The following KLHL6 variants were observed in gnomAD, a reference collection of about 807,000 sequenced individuals.
KLHL6 encodes the protein kelch-like protein 6.
A neutral mutation model predicts 58.6 loss-of-function variants in KLHL6; 41 were observed. The observed-to-expected ratio is 0.70, with a 90% confidence interval of 0.55 to 0.91. The LOEUF (loss-of-function observed/expected upper bound fraction) is 0.91, where lower values mean the gene tolerates loss of function less well. Among genes scored for constraint, KLHL6 ranks in the 40% least tolerant of loss-of-function variants. The pLI is 0.00. For missense variants in KLHL6, 714 were observed against 805.6 expected, an observed-to-expected ratio of 0.89 and a Z score of 1.38; for synonymous variants, 338 against 322.7, an observed-to-expected ratio of 1.05 and a Z score of -0.51.
intron 1 of KLHL6, among the ~76,000 whole-genome samples, chr3:183,543,873 G>A (rs989060312): frequency 1.8e-4 from 28 of 152,150 alleles, no homozygotes; most frequent in East Asian, 7.7e-4. Context: ...TTTTAAAGCC[G>A]TAGCACCAGG....
At chr3:183,510,424 A>T (rs1401025960) in intron 2 of KLHL6, among the ~76,000 whole-genome samples, 2 of 152,000 alleles carry the variant, frequency 1.3e-5, no homozygotes, top group Non-Finnish European at 2.9e-5. Flanking sequence ...GAAGGTTGAT[A>T]GTGGGGCAGG....
rs140362850 is a variant in KLHL6, at chr3:183,489,255, T to G, written c.*2672A>C. 1 of 152,316 alleles carries G rather than the reference T, an allele frequency of 6.6e-6. No homozygotes were observed. Among genetic ancestry groups the G allele is most frequent in the East Asian group, 1.9e-4 (1 of 5,186 alleles). The allele number at this position is 152,316 out of a possible 1,614,324, so 9.4% of individuals were successfully genotyped here. ...CTGGAAGTTCCTCCCTGCAATAGTCTTTGGAGTAAGACTGACTTTTCCTTC... is the reference window on the plus strand; with the variant it reads ...CTGGAAGTTCCTCCCTGCAATAGTCGTTGGAGTAAGACTGACTTTTCCTTC... On this transcript the variant is annotated 3_prime_UTR_variant, in exon 7 of 7. Coordinates refer to ENST00000341319, the MANE Select transcript of KLHL6 (RefSeq NM_130446.4).
At chr3:183,509,847 A>G (rs903809865) in intron 2 of KLHL6, among the ~76,000 whole-genome samples, 2 of 152,198 alleles carry the variant, frequency 1.3e-5, no homozygotes, top group Non-Finnish European at 2.9e-5. Context: ...ATACTATATA[A>G]ATAATAGAAG....
chr3:183,534,386 T>A (rs1712290344), intron 1 of KLHL6, among the ~76,000 whole-genome samples: 1 of 152,052 alleles, frequency 6.6e-6, no homozygotes, highest in African/African-American at 2.4e-5. Context: ...TTACAGTTTC[T>A]AGTCACCACA....
rs78873068 is a variant in KLHL6, at chr3:183,505,161, T to C, written c.909+2898A>G. 0.013 allele frequency among the ~76,000 whole-genome samples: 1,980 copies of C among 152,298 alleles called. 121 individuals carry two copies. In the East Asian group the frequency reaches 0.19, roughly 14 times the overall value. On this transcript the variant is annotated intron_variant, in intron 3 of 6. Transcript: ENST00000341319. ...CAGGCTGTCTGCTAGACATCCAGCA[T>C]AGAATAGGACCTATGTGGTTTCCTA...
At position 183,502,253 on chromosome 3, in the gene KLHL6, C is replaced by G. The variant is rs6771268; in HGVS notation, c.910-2426G>C. Among the ~76,000 whole-genome samples, 768 of 151,092 alleles carry G rather than the reference C, an allele frequency of 5.1e-3. 11 individuals are homozygous for G. The highest frequency in any genetic ancestry group is 0.017 in the African/African-American group (712 of 41,150). The stretch of plus-strand genomic sequence containing the variant: ...AGAGGCAGAGGGTGCAGTGAGCCAA[C>G]GTCGCAGCATTGCACTCCAGCCTGG... On this transcript the variant is annotated intron_variant, in intron 3 of 6. Coordinates refer to ENST00000341319, the MANE Select transcript of KLHL6 (RefSeq NM_130446.4).
chr3:183,501,186 G>A (rs951661499), intron 3 of KLHL6, among the ~76,000 whole-genome samples: 6 of 152,300 alleles, frequency 3.9e-5, no homozygotes, highest in South Asian at 2.1e-4. Context: ...GAACAGTGCC[G>A]GGATAAGGGT....
chr3:183,532,164 A>T (rs2108687539), intron 1 of KLHL6, among the ~76,000 whole-genome samples: 1 of 152,314 alleles, frequency 6.6e-6, no homozygotes, highest in Middle Eastern at 3.4e-3. Flanking sequence ...ATAAGGGTGG[A>T]TCTCAATTTG....
At position 183,489,868 on chromosome 3, in the gene KLHL6, G is replaced by A. The variant is rs988340435; in HGVS notation, c.*2059C>T. 1 of 152,140 alleles carries A rather than the reference G, an allele frequency of 6.6e-6. No individual in the cohort carries two copies. The highest frequency in any genetic ancestry group is 2.1e-4 in the South Asian group (1 of 4,830). The allele number at this position is 152,140 out of a possible 1,614,324, so 9.4% of individuals were successfully genotyped here. The stretch of plus-strand genomic sequence containing the variant: ...TCAAATATTAGCTTCTTCTAACCGT[G>A]ACTGTTTAATGAAAATTCAATTCAC... On this transcript the variant is annotated 3_prime_UTR_variant, in exon 7 of 7. Transcript: ENST00000341319.
intron 3 of KLHL6, among the ~76,000 whole-genome samples, chr3:183,506,399 G>A (rs1260898101): frequency 6.6e-6 from 1 of 152,178 alleles, no homozygotes; most frequent in East Asian, 1.9e-4. Context: ...CTAAGATCTA[G>A]AGATGTAAAG....
At chr3:183,519,373 G>T (rs968639311) in intron 2 of KLHL6, among the ~76,000 whole-genome samples, 1 of 152,174 alleles carries the variant, frequency 6.6e-6, no homozygotes, top group African/African-American at 2.4e-5. Flanking sequence ...TGGGAACACA[G>T]GTGCTCCAGT....
chr3:183,513,673 C>A (rs531180781), intron 2 of KLHL6, among the ~76,000 whole-genome samples: 5 of 152,172 alleles, frequency 3.3e-5, no homozygotes, highest in African/African-American at 1.2e-4. Context: ...ATCCAGCTAC[C>A]TGTGTATGGA....
chr3:183,499,762 G>A lies in KLHL6; in HGVS notation c.975C>T (p.Gly325=), dbSNP rs747318454. 14 of 1,608,892 alleles carry A rather than the reference G, an allele frequency of 8.7e-6. No homozygotes were observed. Among genetic ancestry groups the A allele is most frequent in the Admixed American group, 3.4e-5 (2 of 58,910 alleles). ...EFQSEVFMII[G]GCTKDERFVA... ...CAAACCGTTCATCCTTCGTGCAGCCGCCAATGATCATGAACACCTCAGACT... is the reference window on the plus strand; with the variant it reads ...CAAACCGTTCATCCTTCGTGCAGCCACCAATGATCATGAACACCTCAGACT... Residue 325 remains glycine (G), a synonymous_variant, in exon 4 of 7, where the codon GGC becomes GGT. Transcript: ENST00000341319. The surrounding 1 kb of genome is among the most constrained non-coding windows in gnomAD (Gnocchi z 4.6).
At chr3:183,505,052 G>A (rs1299438993) in intron 3 of KLHL6, among the ~76,000 whole-genome samples, 1 of 152,146 alleles carries the variant, frequency 6.6e-6, no homozygotes, top group Non-Finnish European at 1.5e-5. Flanking sequence ...CTTTTCTATG[G>A]CTGTGTAGTA....
Position 183,499,907 on chromosome 3 carries a change from GT to G in KLHL6, c.910-81del. The G allele has an allele frequency of 9.6e-7, 1 of 1,041,992 alleles. No homozygotes were observed. Among genetic ancestry groups the G allele is most frequent in the Non-Finnish European group, 1.4e-6 (1 of 734,334 alleles). 64.5% of individuals were successfully genotyped at this position (1,041,992 alleles called of 1,614,324 possible). A position where few individuals can be genotyped will look rare whatever the true frequency, so the allele number is the denominator to read the frequency against. On this transcript the variant is annotated intron_variant, in intron 3 of 6. Coordinates refer to ENST00000341319, the MANE Select transcript of KLHL6 (RefSeq NM_130446.4). The surrounding 1 kb of genome is among the most constrained non-coding windows in gnomAD (Gnocchi z 4.6). ...GGGCTATGGAGCCATTAGGAGTCGG[GT>G]CCAATTCCCATATCTGCCACGGTAT...
chr3:183,508,576 G>T (rs1055233729), intron 2 of KLHL6, 68 bp from the exon 3 acceptor site: 2 of 1,453,292 alleles, frequency 1.4e-6, no homozygotes, highest in Admixed American at 2.0e-5. Context: ...TTATCAGTGA[G>T]TTATGTGTAT....
chr3:183,549,845 C>T (rs1336317328), intron 1 of KLHL6, among the ~76,000 whole-genome samples: 1 of 152,010 alleles, frequency 6.6e-6, no homozygotes, highest in Admixed American at 6.6e-5. Context: ...GAGGCCGGGT[C>T]AGGAGGATCC....
Position 183,523,757 on chromosome 3 carries a change from G to GTGTTT in KLHL6, c.459+4083_459+4087dup, listed in dbSNP as rs373846329. ...GTGGTATTTGGCTACATTTCATGAGGTGTTTTGTTTTGTTTTGTTTTAAAT... is the reference window on the plus strand; with the variant it reads ...GTGGTATTTGGCTACATTTCATGAGGTGTTTTGTTTTGTTTTGTTTTGTTTTAAAT... On this transcript the variant is annotated intron_variant, in intron 2 of 6. Transcript: ENST00000341319. Among the ~76,000 whole-genome samples the GTGTTT allele has an allele frequency of 4.0e-3, 602 of 151,986 alleles. 4 individuals carry two copies. Among genetic ancestry groups the GTGTTT allele is most frequent in the African/African-American group, 0.013 (541 of 41,460 alleles).
At chr3:183,532,283 C>T (rs1485044133) in intron 1 of KLHL6, among the ~76,000 whole-genome samples, 4 of 152,166 alleles carry the variant, frequency 2.6e-5, no homozygotes, top group South Asian at 2.1e-4. Flanking sequence ...AGAAGGTGGC[C>T]GTCTGCAAGC....
Sources: allele counts gnomAD v4.1 joint callset (sites outside exome capture counted in the v4.1 genomes callset), GRCh38; gene constraint gnomAD v4.1.1; non-coding constraint Gnocchi (gnomAD v3.1); transcripts MANE v1.5; gene names NCBI Gene and HGNC (gene_info 2026-07-23, HGNC 2026-07-21).